Variants in INVS observed in about 807,000 individuals in gnomAD.
INVS encodes the protein inversion of embryo turning homolog.
INVS carries 86 observed loss-of-function variants against 108.8 expected under a neutral mutation model. The observed-to-expected ratio is 0.79, with a 90% CI of 0.66 to 0.95. The LOEUF is 0.95. INVS is among the 40% of genes least tolerant of loss of function. The probability of loss-of-function intolerance (pLI) is 0.00; values close to 1 mark genes in which losing one functional copy is unlikely to be tolerated. For synonymous variants in INVS, 455 were observed against 473.5 expected, an observed-to-expected ratio of 0.96 and a Z score of 0.51; for missense variants, 1,169 against 1,297.4, an observed-to-expected ratio of 0.90 and a Z score of 1.52.
intron 3 of INVS, among the ~76,000 whole-genome samples, chr9:100,182,964 G>T (rs1829941156): frequency 6.6e-6 from 1 of 152,136 alleles, no homozygotes; most frequent in Non-Finnish European, 1.5e-5. Flanking sequence ...ATGAGTTCAT[G>T]TCCTTTCCAG....
At chr9:100,198,134 T>G (rs1039917554) in intron 3 of INVS, among the ~76,000 whole-genome samples, 8 of 152,072 alleles carry the variant, frequency 5.3e-5, no homozygotes, top group Non-Finnish European at 1.2e-4. Flanking sequence ...CCCAATAATA[T>G]CCTTAGGTAT....
chr9:100,121,064 T>G (rs956089584), intron 2 of INVS, among the ~76,000 whole-genome samples: 1 of 151,292 alleles, frequency 6.6e-6, no homozygotes, highest in Middle Eastern at 3.4e-3. Flanking sequence ...TTGACTACAG[T>G]TTTTTTTTAA....
intron 3 of INVS, among the ~76,000 whole-genome samples, chr9:100,196,909 C>T (rs1325389198): frequency 1.3e-5 from 2 of 151,904 alleles, no homozygotes; most frequent in Admixed American, 6.6e-5. Flanking sequence ...CTCTCTCACT[C>T]GACACAAAAT....
chr9:100,160,505 G>T lies in INVS; in HGVS notation c.273+33956G>T, dbSNP rs78290583. ...TGAAACACATTTATTAGTCAATAGA[G>T]TCCCTTCCTGCATTTATACATTCTC... On this transcript the variant is annotated intron_variant, in intron 3 of 16. Coordinates refer to ENST00000262457, the MANE Select transcript of INVS (RefSeq NM_014425.5). Among the ~76,000 whole-genome samples, 710 of 152,212 alleles carry T rather than the reference G, an allele frequency of 4.7e-3. 7 individuals are homozygous for T. The highest frequency in any genetic ancestry group is 0.016 in the African/African-American group (672 of 41,510).
At chr9:100,272,359 G>T (rs545745211) in intron 11 of INVS, among the ~76,000 whole-genome samples, 3 of 152,158 alleles carry the variant, frequency 2.0e-5, no homozygotes, top group South Asian at 4.1e-4. Flanking sequence ...TGGCTACCTG[G>T]TTGTCCCATC....
chr9:100,191,856 T>A (rs1830231995), intron 3 of INVS, among the ~76,000 whole-genome samples: 2 of 152,336 alleles, frequency 1.3e-5, no homozygotes, highest in East Asian at 3.9e-4. Flanking sequence ...CTGTGTTTTT[T>A]AATTTTTTTA....
At chr9:100,177,265 A>T (rs978851639) in intron 3 of INVS, among the ~76,000 whole-genome samples, 8 of 152,126 alleles carry the variant, frequency 5.3e-5, no homozygotes, top group Non-Finnish European at 1.2e-4. Flanking sequence ...TGGGAATGTC[A>T]GCGAGAGAGC....
At chr9:100,236,889 GT>G (rs1233134738) in intron 5 of INVS, among the ~76,000 whole-genome samples, 2 of 152,218 alleles carry the variant, frequency 1.3e-5, no homozygotes, top group Non-Finnish European at 2.9e-5. Context: ...CAAGCACTCT[GT>G]TGGGAGATCT....
chr9:100,223,281 G>C (rs1831207032), intron 3 of INVS, among the ~76,000 whole-genome samples: 1 of 151,672 alleles, frequency 6.6e-6, no homozygotes, highest in South Asian at 2.1e-4. Flanking sequence ...ATTTTTAGTA[G>C]ACACAAAGTT....
chr9:100,132,966 G>C (rs545105670), intron 3 of INVS, among the ~76,000 whole-genome samples: 1 of 152,050 alleles, frequency 6.6e-6, no homozygotes, highest in Non-Finnish European at 1.5e-5. Context: ...TTAGCTGGGC[G>C]TGATGGTGCG....
rs561149032 is a variant in INVS at position 100,267,765 on chromosome 9, C to G, written c.1571+2837C>G. Among the ~76,000 whole-genome samples, 11 of 152,258 alleles carry G rather than the reference C, an allele frequency of 7.2e-5. No individual in the cohort carries two copies. In the South Asian group the frequency reaches 2.3e-3, roughly 32 times the overall value. On this transcript the variant is annotated intron_variant, in intron 11 of 16. Coordinates refer to ENST00000262457, the MANE Select transcript of INVS (RefSeq NM_014425.5). ...TTTATGATCACACTTGTTTTAAATA[C>G]TGGGTATAGACTTCAATCTTAAAAT... is the stretch of plus-strand genomic sequence containing the variant.
chr9:100,217,831 C>G (rs914808904), intron 3 of INVS, among the ~76,000 whole-genome samples: 1 of 152,142 alleles, frequency 6.6e-6, no homozygotes, highest in Non-Finnish European at 1.5e-5. Flanking sequence ...GATTGCCTCT[C>G]CCAACACTAT....
chr9:100,191,087 CT>C (rs779143570), intron 3 of INVS, among the ~76,000 whole-genome samples: 3 of 152,118 alleles, frequency 2.0e-5, no homozygotes, highest in Non-Finnish European at 4.4e-5. Flanking sequence ...TCTCAAACTC[CT>C]GGTCTCAAGT....
chr9:100,299,634 T>TCACA (rs1833900331), intron 16 of INVS, among the ~76,000 whole-genome samples: 1 of 81,760 alleles, frequency 1.2e-5, no homozygotes, highest in Non-Finnish European at 2.5e-5. Context: ...AGCCTTTTAT[T>TCACA]GACACACACA....
chr9:100,225,834 T>C (rs910294470), intron 3 of INVS, among the ~76,000 whole-genome samples: 1 of 152,160 alleles, frequency 6.6e-6, no homozygotes, highest in Admixed American at 6.5e-5. Context: ...CAATAAAATA[T>C]TGGCCAGCCA....
intron 3 of INVS, among the ~76,000 whole-genome samples, chr9:100,174,070 G>T (rs906482106): frequency 6.6e-6 from 1 of 152,216 alleles, no homozygotes; most frequent in Non-Finnish European, 1.5e-5. Flanking sequence ...AATATTGCTA[G>T]ACATGAGGAC....
intron 5 of INVS, among the ~76,000 whole-genome samples, chr9:100,231,684 C>A (rs911922403): frequency 2.0e-5 from 3 of 152,120 alleles, no homozygotes; most frequent in Non-Finnish European, 4.4e-5. Context: ...AACATGAACT[C>A]ATTCTTTTTT....
intron 2 of INVS, among the ~76,000 whole-genome samples, chr9:100,121,392 T>C (rs1827723517): frequency 6.6e-6 from 1 of 152,336 alleles, no homozygotes; most frequent in East Asian, 1.9e-4. Flanking sequence ...AAGTCTTGGA[T>C]GCCATGTTAG....
At chr9:100,208,044 A>G (rs956568921) in intron 3 of INVS, among the ~76,000 whole-genome samples, 2 of 152,204 alleles carry the variant, frequency 1.3e-5, no homozygotes, top group African/African-American at 4.8e-5. Context: ...CACAACTAAA[A>G]TAGTCTTTAA....
Sources: allele counts gnomAD v4.1 joint callset (sites outside exome capture counted in the v4.1 genomes callset), GRCh38; gene constraint gnomAD v4.1.1; transcripts MANE v1.5; gene names NCBI Gene and HGNC (gene_info 2026-07-23, HGNC 2026-07-21).